The following PRKAA2 variants were observed in gnomAD, a reference collection of about 807,000 sequenced individuals.
The protein encoded by PRKAA2 is protein kinase AMP-activated catalytic subunit alpha 2.
Under a neutral mutation model 56.3 loss-of-function variants are expected in PRKAA2, and 40 were observed. That is an observed-to-expected ratio of 0.71 (90% confidence interval 0.55 to 0.92). The LOEUF is 0.92. Among genes scored for constraint, PRKAA2 ranks in the 40% least tolerant of loss-of-function variants. The pLI is 0.00. For missense variants in PRKAA2, 542 were observed against 686.9 expected, an observed-to-expected ratio of 0.79 and a Z score of 2.36; for synonymous variants, 214 against 234.2, an observed-to-expected ratio of 0.91 and a Z score of 0.79.
At chr1:56,668,616 T>TA in intron 1 of PRKAA2, among the ~76,000 whole-genome samples, 1 of 151,828 alleles carries the variant, frequency 6.6e-6, no homozygotes, top group South Asian at 2.1e-4. Flanking sequence ...TGGCCCCAAA[T>TA]AATTATTTTT....
At chr1:56,650,243 T>C (rs1277144017) in intron 1 of PRKAA2, among the ~76,000 whole-genome samples, 1 of 152,238 alleles carries the variant, frequency 6.6e-6, no homozygotes. Flanking sequence ...ATGGAAATCT[T>C]TGTATTTGTT....
chr1:56,681,690 C>A (rs1054026060), intron 2 of PRKAA2, among the ~76,000 whole-genome samples: 1 of 152,046 alleles, frequency 6.6e-6, no homozygotes, highest in Non-Finnish European at 1.5e-5. Flanking sequence ...ATTTCTGAGG[C>A]CTCTGCTCTG....
chr1:56,647,681 A>G (rs565009765), intron 1 of PRKAA2, among the ~76,000 whole-genome samples: 1 of 151,958 alleles, frequency 6.6e-6, no homozygotes, highest in East Asian at 1.9e-4. Context: ...TGTTACTCAT[A>G]TAATTCTTCA....
chr1:56,684,782 T>TA (rs1383761754), intron 2 of PRKAA2, among the ~76,000 whole-genome samples: 2 of 151,652 alleles, frequency 1.3e-5, no homozygotes, highest in Admixed American at 6.6e-5. Flanking sequence ...GAATATGAGA[T>TA]AAAAAAGGGG....
In PRKAA2 at chr1:56,713,253, T is replaced by G. The variant is rs3738567; in HGVS notation, c.*5540T>G. On this transcript the variant is annotated 3_prime_UTR_variant, in exon 9 of 9. Transcript: ENST00000371244. ...ATTGAGTTTTAATTAAACTTCTTCA[T>G]CCATAGCCTGATAAGAATCAGGCTG... 0.42 allele frequency: 63,403 copies of G among 151,972 alleles called. 15,729 individuals carry two copies. Among genetic ancestry groups the G allele is most frequent in the African/African-American group, 0.68 (28,341 of 41,450 alleles). The allele number at this position is 151,972 out of a possible 1,614,324, so 9.4% of individuals were successfully genotyped here.
intron 6 of PRKAA2, 51 bp from the exon 7 acceptor site, chr1:56,703,920 T>C: frequency 6.6e-7 from 1 of 1,513,056 alleles, no homozygotes; most frequent in South Asian, 1.3e-5. Flanking sequence ...CTAAATTATT[T>C]GGACTTGCCA....
intron 6 of PRKAA2, among the ~76,000 whole-genome samples, chr1:56,698,678 T>C (rs936642743): frequency 2.6e-5 from 4 of 152,236 alleles, no homozygotes; most frequent in African/African-American, 9.6e-5. Context: ...TTATCTCTTA[T>C]GCTACTACAT....
chr1:56,655,280 A>ATTTTTTTTTTTTT (rs1207874046), intron 1 of PRKAA2, among the ~76,000 whole-genome samples: 7 of 93,676 alleles, frequency 7.5e-5, no homozygotes, highest in African/African-American at 1.4e-4. Context: ...ATATATATAT[A>ATTTTTTTTTTTTT]TTTTTTTTTT....
Position 56,691,492 on chromosome 1 carries a change from G to A in PRKAA2, c.330+5G>A. 6.3e-7 allele frequency: 1 copy of A among 1,586,058 alleles called. No individual in the cohort carries two copies. Among genetic ancestry groups the A allele is most frequent in the Non-Finnish European group, 8.7e-7 (1 of 1,155,716 alleles). On this transcript the variant is annotated splice_donor_5th_base_variant and intron_variant, in intron 3 of 8. Coordinates refer to ENST00000371244, the MANE Select transcript of PRKAA2 (RefSeq NM_006252.4). ...TACATCTGTAAGCATGGACGGGTGA[G>A]TAACATACTATCTGGTACACTAAAT...
rs1158349451 is a variant in PRKAA2 at position 56,710,536 on chromosome 1, A to G, written c.*2823A>G. 6.6e-6 allele frequency: 1 copy of G among 152,156 alleles called. No individual in the cohort carries two copies. Among genetic ancestry groups the G allele is most frequent in the Non-Finnish European group, 1.5e-5 (1 of 68,002 alleles). The allele number at this position is 152,156 out of a possible 1,614,324, so 9.4% of individuals were successfully genotyped here. On this transcript the variant is annotated 3_prime_UTR_variant, in exon 9 of 9. Coordinates refer to ENST00000371244, the MANE Select transcript of PRKAA2 (RefSeq NM_006252.4). ...TAGGAAAATACTGTCCCAGAATGCC[A>G]TAATTAGGGTAGTTAATAATTAACA...
intron 1 of PRKAA2, among the ~76,000 whole-genome samples, chr1:56,660,384 A>G (rs185293643): frequency 6.6e-6 from 1 of 152,220 alleles, no homozygotes; most frequent in Admixed American, 6.5e-5. Context: ...TTCATGTGTT[A>G]TTTTCTTGAT....
intron 2 of PRKAA2, among the ~76,000 whole-genome samples, chr1:56,676,110 C>G (rs1644111186): frequency 6.6e-6 from 1 of 152,098 alleles, no homozygotes. Context: ...TACTTGATGA[C>G]AAGAGTAGCA....
At position 56,645,378 on chromosome 1, in the gene PRKAA2, C is replaced by G. The variant is rs1236360626; in HGVS notation, c.-10C>G. 6.8e-7 allele frequency: 1 copy of G among 1,466,544 alleles called. No homozygotes were observed. The highest frequency in any genetic ancestry group is 9.1e-7 in the Non-Finnish European group (1 of 1,100,108). The allele number at this position is 1,466,544 out of a possible 1,614,324, so 90.8% of individuals were successfully genotyped here. ...CGGCAGGCGGTGGAGCGAGGCCGCG[C>G]GCGCCGAAGATGGCTGAGAAGCAGA... On this transcript the variant is annotated 5_prime_UTR_variant, in exon 1 of 9. Transcript: ENST00000371244.
intron 6 of PRKAA2, among the ~76,000 whole-genome samples, chr1:56,703,170 G>A (rs1228232365): frequency 6.6e-6 from 1 of 152,102 alleles, no homozygotes; most frequent in East Asian, 1.9e-4. Flanking sequence ...GCTTAGGAGA[G>A]CAGTTCTCAG....
chr1:56,700,093 C>T (rs77639217), intron 6 of PRKAA2, among the ~76,000 whole-genome samples: 7 of 152,080 alleles, frequency 4.6e-5, no homozygotes, highest in East Asian at 3.8e-4. Context: ...CATTTCTCTT[C>T]GGTGTATATA....
At position 56,710,976 on chromosome 1, in the gene PRKAA2, A is replaced by C. The variant is rs891052089; in HGVS notation, c.*3263A>C. The C allele has an allele frequency of 6.6e-6, 1 of 152,100 alleles. No homozygotes were observed. Among genetic ancestry groups the C allele is most frequent in the Non-Finnish European group, 1.5e-5 (1 of 67,968 alleles). 9.4% of individuals were successfully genotyped at this position (152,100 alleles called of 1,614,324 possible). ...AGGAACAGCTACCTTCTCAAATAGA[A>C]TATGCAGGGAGGGAAGTAGGCAAAC... On this transcript the variant is annotated 3_prime_UTR_variant, in exon 9 of 9. Coordinates refer to ENST00000371244, the MANE Select transcript of PRKAA2 (RefSeq NM_006252.4).
At position 56,712,433 on chromosome 1, in the gene PRKAA2, G is replaced by C. The variant is rs1336779721; in HGVS notation, c.*4720G>C. 4 of 152,288 alleles carry C rather than the reference G, an allele frequency of 2.6e-5. No homozygotes were observed. The highest frequency in any genetic ancestry group is 4.4e-5 in the Non-Finnish European group (3 of 68,016). The allele number at this position is 152,288 out of a possible 1,614,324, so 9.4% of individuals were successfully genotyped here. A position where few individuals can be genotyped will look rare whatever the true frequency, so the allele number is the denominator to read the frequency against. Reference sequence around the variant, plus strand: ...AGATGTAATTATCTGAAGTATTTATGATTAGCATATTGGTTTTTATAAGTA... The same window carrying C: ...AGATGTAATTATCTGAAGTATTTATCATTAGCATATTGGTTTTTATAAGTA... On this transcript the variant is annotated 3_prime_UTR_variant, in exon 9 of 9. Transcript: ENST00000371244.
At chr1:56,697,306 G>T (rs1212770034) in intron 6 of PRKAA2, among the ~76,000 whole-genome samples, 1 of 152,018 alleles carries the variant, frequency 6.6e-6, no homozygotes, top group African/African-American at 2.4e-5. Context: ...TTACAAGTGT[G>T]AGTCGTTGCA....
At chr1:56,685,811 A>G (rs1381924463) in intron 2 of PRKAA2, among the ~76,000 whole-genome samples, 2 of 152,196 alleles carry the variant, frequency 1.3e-5, no homozygotes, top group Non-Finnish European at 2.9e-5. Flanking sequence ...GAGATAGAGG[A>G]GCAACCTATA....
Sources: allele counts gnomAD v4.1 joint callset (sites outside exome capture counted in the v4.1 genomes callset), GRCh38; gene constraint gnomAD v4.1.1; transcripts MANE v1.5; gene names NCBI Gene and HGNC (gene_info 2026-07-23, HGNC 2026-07-21).